Variants in ZFPM1 observed in about 807,000 individuals in gnomAD.
ZFPM1 encodes zinc finger protein, FOG family member 1.
ZFPM1 carries 28 observed loss-of-function variants against 46.3 expected under a neutral mutation model. The ratio of observed to expected loss-of-function variants is 0.60; its 90% CI spans 0.45 to 0.83. The LOEUF (loss-of-function observed/expected upper bound fraction) is 0.83. ZFPM1 is among the 40% of genes least tolerant of loss of function. The pLI, the probability that ZFPM1 is intolerant of heterozygous loss-of-function variation, is 0.00. For missense variants in ZFPM1, 1,878 were observed against 1,432.4 expected, an observed-to-expected ratio of 1.31 and a Z score of -5.02; for synonymous variants, 957 against 675.9, an observed-to-expected ratio of 1.42 and a Z score of -6.45.
chr16:88,461,795 G>A (rs773033479), intron 1 of ZFPM1, among the ~76,000 whole-genome samples: 5 of 152,156 alleles, frequency 3.3e-5, no homozygotes, highest in Admixed American at 6.5e-5. Flanking sequence ...CCCCAGCCCC[G>A]GCTGTCCTCT....
At position 88,535,198 on chromosome 16, in the gene ZFPM1, G is replaced by T. The variant is rs1001397424; in HGVS notation, c.*219G>T. On this transcript the variant is annotated 3_prime_UTR_variant, in exon 10 of 10. Coordinates refer to ENST00000319555, the MANE Select transcript of ZFPM1 (RefSeq NM_153813.3). ...TGGGCCAGCCTAGTTCTCTGAGCCA[G>T]CAGGCACACGCAGCCAGTGTCACAT... 7.2e-5 allele frequency: 31 copies of T among 433,002 alleles called. No homozygotes were observed. The highest frequency in any genetic ancestry group is 1.2e-4 in the Non-Finnish European group (31 of 264,898). 26.8% of individuals were successfully genotyped at this position (433,002 alleles called of 1,614,324 possible). A position where few individuals can be genotyped will look rare whatever the true frequency, so the allele number is the denominator to read the frequency against.
At chr16:88,492,260 G>C (rs1909624788) in intron 3 of ZFPM1, among the ~76,000 whole-genome samples, 1 of 151,536 alleles carries the variant, frequency 6.6e-6, no homozygotes, top group African/African-American at 2.4e-5. Flanking sequence ...CCCAATTTCT[G>C]TTTTATGGTC....
rs768665482 is a variant in ZFPM1 at position 88,532,825 on chromosome 16, G to A, written c.1079G>A (p.Arg360Lys). Residue 360 changes from arginine to lysine, a missense_variant, in exon 9 of 10, where the codon AGG becomes AAG. By Grantham distance (26) the Arg-to-Lys change is conservative (BLOSUM62 2). Coordinates refer to ENST00000319555, the MANE Select transcript of ZFPM1 (RefSeq NM_153813.3). ...AGCTGTGGCTTCATCTCCACCACAA[G>A]GGACATCCTCTACAGCCACTTGGTC... ...CHSCGFISTT[R>K]DILYSHLVTN... The A allele has an allele frequency of 2.5e-6, 4 of 1,613,392 alleles. No homozygotes were observed. In the South Asian group the frequency reaches 3.3e-5, roughly 13 times the overall value.
At chr16:88,526,192 G>A (rs535019519) in intron 4 of ZFPM1, among the ~76,000 whole-genome samples, 15 of 152,350 alleles carry the variant, frequency 9.8e-5, no homozygotes, top group East Asian at 5.8e-4. Context: ...TGCCGGCCCC[G>A]GGAGCGAGCG....
At chr16:88,519,048 A>G (rs868255447) in intron 4 of ZFPM1, among the ~76,000 whole-genome samples, 246 of 107,994 alleles carry the variant, frequency 2.3e-3, no homozygotes, top group African/African-American at 7.9e-3. Context: ...GTGGATGGAT[A>G]GATGGATGGA....
chr16:88,453,060 C>T (rs1484415626), upstream of ZFPM1, among the ~76,000 whole-genome samples: 2 of 147,922 alleles, frequency 1.4e-5, no homozygotes, highest in Admixed American at 1.3e-4. Context: ...TCGGAGCCAG[C>T]GCCGTAAAGA....
rs548038797 is a variant in ZFPM1, at chr16:88,528,007, G to A, written c.506-25G>A. On this transcript the variant is annotated intron_variant, in intron 5 of 9. Coordinates refer to ENST00000319555, the MANE Select transcript of ZFPM1 (RefSeq NM_153813.3). ...CAGGGAAGTGGGGCACAAAGTCCTA[G>A]GTTTGGACACCTGTCTCCCTCCAGA... The A allele has an allele frequency of 7.1e-5, 108 of 1,519,900 alleles. 1 individual carries two copies. In the South Asian group the frequency reaches 1.3e-3, roughly 18 times the overall value. The allele number at this position is 1,519,900 out of a possible 1,614,324, so 94.2% of individuals were successfully genotyped here.
At chr16:88,531,924 GC>G (rs1414806522) in intron 6 of ZFPM1, 77 bp from the exon 7 acceptor site, 16 of 1,415,666 alleles carry the variant, frequency 1.1e-5, no homozygotes, top group Non-Finnish European at 1.5e-5. Context: ...TCACGGCCAG[GC>G]CCTGCCTCCG....
chr16:88,490,140 G>A (rs572970170), intron 3 of ZFPM1, among the ~76,000 whole-genome samples: 134 of 151,242 alleles, frequency 8.9e-4, no homozygotes, highest in Non-Finnish European at 1.5e-3. Flanking sequence ...TGCAAGCTCC[G>A]CCTCCCAGGT....
At chr16:88,519,130 G>GGATGGATGGGTGGA (rs1911602126) in intron 4 of ZFPM1, among the ~76,000 whole-genome samples, 1 of 121,156 alleles carries the variant, frequency 8.3e-6, no homozygotes, top group Non-Finnish European at 1.7e-5. Context: ...GGATGGATGG[G>GGATGGATGGGTGGA]TGGATGGATG....
Position 88,533,941 on chromosome 16 carries a change from G to C in ZFPM1, c.1983G>C (p.Arg661=), listed in dbSNP as rs940652364. The change falls in exon 10 of 10, where the codon CGG becomes CGC. Residue 661 remains arginine, a synonymous_variant. Coordinates refer to ENST00000319555, the MANE Select transcript of ZFPM1 (RefSeq NM_153813.3). ...AATPEDGAGG[R]GSEGSQSPGS... Reference sequence around the variant, plus strand: ...CGCCCGAGGACGGCGCGGGCGGCCGGGGCAGCGAGGGCAGCCAGAGCCCGG... The same window carrying C: ...CGCCCGAGGACGGCGCGGGCGGCCGCGGCAGCGAGGGCAGCCAGAGCCCGG... 2.2e-5 allele frequency: 28 copies of C among 1,272,420 alleles called. No homozygotes were observed. The African/African-American group carries it at 4.2e-4, about 19-fold the overall frequency. The allele number at this position is 1,272,420 out of a possible 1,614,324, so 78.8% of individuals were successfully genotyped here.
intron 4 of ZFPM1, among the ~76,000 whole-genome samples, chr16:88,525,680 G>C: frequency 6.6e-6 from 1 of 152,178 alleles, no homozygotes; most frequent in East Asian, 1.9e-4. Flanking sequence ...GGCCTGAGGG[G>C]CAGCGGCGGT....
intron 1 of ZFPM1, among the ~76,000 whole-genome samples, chr16:88,460,951 G>T (rs1429410327): frequency 1.9e-5 from 1 of 51,994 alleles, no homozygotes; most frequent in Non-Finnish European, 3.4e-5. Flanking sequence ...ATGACCGAGG[G>T]GCGGGGCGGG....
chr16:88,503,632 T>G (rs1910498320), intron 3 of ZFPM1, among the ~76,000 whole-genome samples: 1 of 152,174 alleles, frequency 6.6e-6, no homozygotes, highest in South Asian at 2.1e-4. Context: ...TCTTCTCATC[T>G]GTGTTGGGGT....
At chr16:88,482,848 C>A (rs573808715) in intron 1 of ZFPM1, among the ~76,000 whole-genome samples, 10 of 152,328 alleles carry the variant, frequency 6.6e-5, no homozygotes, top group Admixed American at 2.0e-4. Context: ...CTGATCGTTC[C>A]GCGTGCTCCC....
chr16:88,468,793 G>C (rs1204446832), intron 1 of ZFPM1: 1 of 152,480 alleles, frequency 6.6e-6, no homozygotes, highest in Non-Finnish European at 1.5e-5. Flanking sequence ...CCAGGGATTG[G>C]CTGAGCTGCT....
chr16:88,518,168 G>A lies in ZFPM1; in HGVS notation c.402+3648G>A, dbSNP rs1359283717. On this transcript the variant is annotated intron_variant, in intron 4 of 9. Coordinates refer to ENST00000319555, the MANE Select transcript of ZFPM1 (RefSeq NM_153813.3). ...TGCGGTAAGCCAAGGTGGCACCACTGCACTCCAGCCTAGGCGACAGAGCGA... is the reference window on the plus strand; with the variant it reads ...TGCGGTAAGCCAAGGTGGCACCACTACACTCCAGCCTAGGCGACAGAGCGA... Among the ~76,000 whole-genome samples, 6 of 151,706 alleles carry A rather than the reference G, an allele frequency of 4.0e-5. No homozygotes were observed. The East Asian group carries it at 1.2e-3, about 30-fold the overall frequency.
intron 1 of ZFPM1, among the ~76,000 whole-genome samples, chr16:88,464,621 A>G (rs1908049132): frequency 6.6e-6 from 1 of 152,202 alleles, no homozygotes; most frequent in African/African-American, 2.4e-5. Context: ...CGCCATGGCA[A>G]TGGTCGGTGG....
At chr16:88,521,059 GA>G in intron 4 of ZFPM1, among the ~76,000 whole-genome samples, 2 of 129,304 alleles carry the variant, frequency 1.5e-5, no homozygotes, top group Non-Finnish European at 3.4e-5. Flanking sequence ...GGATGGATGG[GA>G]GGGTGGGTGG....
Sources: allele counts gnomAD v4.1 joint callset (sites outside exome capture counted in the v4.1 genomes callset), GRCh38; gene constraint gnomAD v4.1.1; transcripts MANE v1.5; gene names NCBI Gene and HGNC (gene_info 2026-07-23, HGNC 2026-07-21).